The following AFAP1L1 variants were observed in gnomAD, a reference collection of about 807,000 sequenced individuals.
AFAP1L1 encodes the protein actin filament-associated protein 1-like 1.
A neutral mutation model predicts 99.8 loss-of-function variants in AFAP1L1; 77 were observed. That is an observed-to-expected ratio of 0.77 (90% confidence interval 0.64 to 0.93). AFAP1L1 has a LOEUF of 0.93. Among genes scored for constraint, AFAP1L1 ranks in the 40% least tolerant of loss-of-function variants. The pLI is 0.00. For synonymous variants in AFAP1L1, 373 were observed against 395.3 expected, an observed-to-expected ratio of 0.94 and a Z score of 0.67; for missense variants, 893 against 996.8, an observed-to-expected ratio of 0.90 and a Z score of 1.40.
At chr5:149,328,700 T>G (rs1757161881) in intron 15 of AFAP1L1, among the ~76,000 whole-genome samples, 1 of 151,898 alleles carries the variant, frequency 6.6e-6, no homozygotes, top group African/African-American at 2.4e-5. Context: ...TCCCAGCTAC[T>G]CTACTCGGGA....
chr5:149,316,020 T>A, intron 10 of AFAP1L1, 106 bp downstream of exon 10: 1 of 1,576,754 alleles, frequency 6.3e-7, no homozygotes, highest in Non-Finnish European at 8.7e-7. Flanking sequence ...TAGACCTGGG[T>A]AAGGTGACCT....
intron 14 of AFAP1L1, among the ~76,000 whole-genome samples, chr5:149,321,317 T>A (rs1756946026): frequency 6.6e-6 from 1 of 152,238 alleles, no homozygotes; most frequent in Non-Finnish European, 1.5e-5. Flanking sequence ...CACTTAAGGA[T>A]GTGAAGTTTG....
chr5:149,327,453 G>C (rs1254825682), intron 15 of AFAP1L1, among the ~76,000 whole-genome samples: 3 of 151,948 alleles, frequency 2.0e-5, no homozygotes, highest in Non-Finnish European at 4.4e-5. Context: ...GTACACTACA[G>C]TATACGTATA....
intron 5 of AFAP1L1, among the ~76,000 whole-genome samples, chr5:149,305,051 T>A (rs141848317): frequency 6.6e-6 from 1 of 152,318 alleles, no homozygotes; most frequent in East Asian, 1.9e-4. Flanking sequence ...TGCTTCCTTG[T>A]CTACAAAATG....
At chr5:149,296,590 T>A (rs571686370) in intron 1 of AFAP1L1, among the ~76,000 whole-genome samples, 1 of 152,324 alleles carries the variant, frequency 6.6e-6, no homozygotes, top group African/African-American at 2.4e-5. Context: ...TTTGTGTGTA[T>A]GAGACAGAGA....
At chr5:149,307,314 G>C in intron 6 of AFAP1L1, 88 bp from the exon 7 acceptor site, 1 of 1,385,258 alleles carries the variant, frequency 7.2e-7, no homozygotes, top group Non-Finnish European at 1.0e-6. Context: ...CCTAGCCTCA[G>C]TCCCCAGTGC....
intron 5 of AFAP1L1, among the ~76,000 whole-genome samples, chr5:149,305,554 A>G: frequency 6.6e-6 from 1 of 152,072 alleles, no homozygotes; most frequent in East Asian, 1.9e-4. Context: ...AGGGGTCTGC[A>G]TTTTCAGACA....
At chr5:149,319,492 C>G (rs1322201232) in intron 12 of AFAP1L1, 90 bp from the exon 13 acceptor site, 77 of 1,460,598 alleles carry the variant, frequency 5.3e-5, no homozygotes, top group Non-Finnish European at 5.8e-5. Flanking sequence ...TCAGTACTTA[C>G]AAATATTTCT....
chr5:149,278,527 C>T (rs1456700689), intron 1 of AFAP1L1, among the ~76,000 whole-genome samples: 1 of 152,178 alleles, frequency 6.6e-6, no homozygotes, highest in African/African-American at 2.4e-5. Flanking sequence ...GGTTAAATAA[C>T]CACTGCCTCA....
At chr5:149,284,652 A>G (rs911142346) in intron 1 of AFAP1L1, among the ~76,000 whole-genome samples, 2 of 152,228 alleles carry the variant, frequency 1.3e-5, no homozygotes, top group Non-Finnish European at 2.9e-5. Flanking sequence ...CAGGGAGTGC[A>G]TGGGGCACGT....
At chr5:149,306,703 G>T (rs1756424132) in intron 6 of AFAP1L1, among the ~76,000 whole-genome samples, 2 of 152,236 alleles carry the variant, frequency 1.3e-5, no homozygotes, top group South Asian at 4.1e-4. Flanking sequence ...GATTTGCTGG[G>T]TTATTGCTGA....
chr5:149,293,106 T>C (rs1755908804), intron 1 of AFAP1L1, among the ~76,000 whole-genome samples: 1 of 152,158 alleles, frequency 6.6e-6, no homozygotes. Context: ...ACCATCCTCC[T>C]TTGTGCCTAC....
intron 17 of AFAP1L1, among the ~76,000 whole-genome samples, chr5:149,334,635 G>A (rs964696590): frequency 1.3e-5 from 2 of 152,198 alleles, no homozygotes; most frequent in Non-Finnish European, 2.9e-5. Context: ...TGTGGGGCCA[G>A]GCATGGTAAC....
intron 18 of AFAP1L1, among the ~76,000 whole-genome samples, chr5:149,339,178 C>CTTTTT (rs35468603): frequency 4.0e-5 from 5 of 126,138 alleles, no homozygotes; most frequent in Non-Finnish European, 6.6e-5. Context: ...CCCAATAAAG[C>CTTTTT]TTTTTTTTTT....
At chr5:149,274,167 C>T (rs1295016225) in intron 1 of AFAP1L1, among the ~76,000 whole-genome samples, 3 of 152,140 alleles carry the variant, frequency 2.0e-5, no homozygotes, top group South Asian at 4.1e-4. Flanking sequence ...CCTCCCTACC[C>T]AGAAGTAAGC....
At chr5:149,292,731 A>G (rs145206870) in intron 1 of AFAP1L1, among the ~76,000 whole-genome samples, 6,852 of 152,252 alleles carry the variant, frequency 0.045, 189 homozygotes, top group Middle Eastern at 0.082. Context: ...AAACCAAGCA[A>G]GATAGATGGA....
intron 1 of AFAP1L1, among the ~76,000 whole-genome samples, chr5:149,279,876 C>T (rs183847126): frequency 6.6e-6 from 1 of 152,308 alleles, no homozygotes; most frequent in Non-Finnish European, 1.5e-5. Flanking sequence ...CCCAATCTCC[C>T]AAGATACATG....
chr5:149,279,165 A>G (rs955785340), intron 1 of AFAP1L1, among the ~76,000 whole-genome samples: 3 of 152,256 alleles, frequency 2.0e-5, no homozygotes, highest in East Asian at 3.8e-4. Context: ...AAGTGGGGAC[A>G]TGGAATCAGT....
At chr5:149,281,414 C>T (rs758483598) in intron 1 of AFAP1L1, among the ~76,000 whole-genome samples, 4 of 152,228 alleles carry the variant, frequency 2.6e-5, no homozygotes, top group Non-Finnish European at 5.9e-5. Context: ...CCACATCCAC[C>T]TCTAGGTCTC....
Sources: gnomAD v4.1 joint callset for allele counts (sites outside exome capture counted in the v4.1 genomes callset) on GRCh38, gnomAD v4.1.1 for gene constraint, MANE v1.5 for transcripts, NCBI Gene and HGNC (gene_info 2026-07-23, HGNC 2026-07-21) for gene names.